The following CREB3L2 variants were observed in gnomAD, a reference collection of about 807,000 sequenced individuals.
The protein encoded by CREB3L2 is cyclic AMP-responsive element-binding protein 3-like protein 2.
Under a neutral mutation model 57.2 loss-of-function variants are expected in CREB3L2, and 23 were observed. The observed-to-expected ratio is 0.40, with a 90% CI of 0.29 to 0.57. The LOEUF (loss-of-function observed/expected upper bound fraction) is 0.57. Ranked by LOEUF, CREB3L2 falls within the 20% of genes least tolerant of loss-of-function variation. CREB3L2 has a pLI of 0.42. For synonymous variants in CREB3L2, 268 were observed against 265.1 expected (o/e 1.01, Z -0.11); for missense variants, 628 against 634.7 (o/e 0.99, Z 0.11).
At chr7:137,960,742 T>C (rs1363673651) in intron 1 of CREB3L2, among the ~76,000 whole-genome samples, 1 of 152,134 alleles carries the variant, frequency 6.6e-6, no homozygotes, top group Admixed American at 6.5e-5. Flanking sequence ...GTGTTTTATT[T>C]CATTTAAATT....
intron 1 of CREB3L2, among the ~76,000 whole-genome samples, chr7:137,964,546 G>C (rs1275263582): frequency 3.3e-5 from 5 of 152,168 alleles, no homozygotes. Context: ...AGAAAAACCA[G>C]ATCATTCAGT....
intron 6 of CREB3L2, among the ~76,000 whole-genome samples, chr7:137,905,302 G>A (rs1799860631): frequency 6.8e-6 from 1 of 146,794 alleles, no homozygotes; most frequent in Admixed American, 6.9e-5. Context: ...TATATATGCT[G>A]TATTTTATAT....
chr7:137,975,708 G>C (rs1801595159), intron 1 of CREB3L2, among the ~76,000 whole-genome samples: 1 of 152,096 alleles, frequency 6.6e-6, no homozygotes, highest in South Asian at 2.1e-4. Flanking sequence ...GATTCAGTTA[G>C]AGCCCGAAAC....
intron 1 of CREB3L2, among the ~76,000 whole-genome samples, chr7:137,930,462 T>A (rs1458711011): frequency 6.6e-6 from 1 of 152,232 alleles, no homozygotes; most frequent in Non-Finnish European, 1.5e-5. Flanking sequence ...ATGAAGGCGT[T>A]ATGAAAATGA....
intron 11 of CREB3L2, among the ~76,000 whole-genome samples, chr7:137,882,203 C>T (rs1208425782): frequency 1.3e-5 from 2 of 152,166 alleles, no homozygotes; most frequent in African/African-American, 4.8e-5. Context: ...CATAGGGGAG[C>T]TCACGCTGGT....
At chr7:137,941,106 C>T (rs578156717) in intron 1 of CREB3L2, among the ~76,000 whole-genome samples, 2 of 152,306 alleles carry the variant, frequency 1.3e-5, no homozygotes, top group African/African-American at 4.8e-5. Context: ...CTTTGAAACC[C>T]TTGTGTTATG....
At chr7:137,912,848 A>G in intron 4 of CREB3L2, 143 bp downstream of exon 4, 1 of 1,529,558 alleles carries the variant, frequency 6.5e-7, no homozygotes. Flanking sequence ...CAAAATTTTT[A>G]TTTTTTAAGA....
At chr7:138,000,737 A>G (rs978071631) in intron 1 of CREB3L2, among the ~76,000 whole-genome samples, 1 of 152,138 alleles carries the variant, frequency 6.6e-6, no homozygotes, top group Non-Finnish European at 1.5e-5. Context: ...TCAAACAAAG[A>G]GATCTTGCAT....
At position 137,879,125 on chromosome 7, in the gene CREB3L2, A is replaced by G; in HGVS notation, c.*1351T>C. The G allele has an allele frequency of 7.9e-6, 4 of 504,024 alleles. No homozygotes were observed. The highest frequency in any genetic ancestry group is 6.8e-5 in the South Asian group (4 of 58,670). 31.2% of individuals were successfully genotyped at this position (504,024 alleles called of 1,614,324 possible). A position where few individuals can be genotyped will look rare whatever the true frequency, so the allele number is the denominator to read the frequency against. On this transcript the variant is annotated 3_prime_UTR_variant, in exon 12 of 12. Transcript: ENST00000330387. ...CAATTTCCACTTCTTATTTATATGA[A>G]AGAGGAAAGATTTTTTTAAACTACA...
chr7:137,950,056 G>C (rs971106609), intron 1 of CREB3L2, among the ~76,000 whole-genome samples: 2 of 152,196 alleles, frequency 1.3e-5, no homozygotes, highest in Non-Finnish European at 2.9e-5. Flanking sequence ...ATGAGAAAAT[G>C]CAAGCTCAGA....
chr7:137,949,888 C>G (rs1412955965), intron 1 of CREB3L2, among the ~76,000 whole-genome samples: 2 of 152,198 alleles, frequency 1.3e-5, no homozygotes, highest in Non-Finnish European at 2.9e-5. Context: ...AGGTCACTGT[C>G]AAGATGACTC....
chr7:137,952,154 A>G (rs932886578), intron 1 of CREB3L2, among the ~76,000 whole-genome samples: 2 of 152,234 alleles, frequency 1.3e-5, no homozygotes, highest in Non-Finnish European at 2.9e-5. Flanking sequence ...AGAAAAATCC[A>G]CAAGTCCTTA....
At position 137,941,595 on chromosome 7, in the gene CREB3L2, G is replaced by A. The variant is rs184040059; in HGVS notation, c.103-13229C>T. Among the ~76,000 whole-genome samples, 70 of 152,238 alleles carry A rather than the reference G, an allele frequency of 4.6e-4. No individual in the cohort carries two copies. The East Asian group carries it at 0.012, about 26-fold the overall frequency. ...GGAGCAGTGGGGAGTAAAGGGCCCC[G>A]GTTGGCTTTCTGTTATCCCACATTG... On this transcript the variant is annotated intron_variant, in intron 1 of 11. Transcript: ENST00000330387.
At chr7:137,979,518 G>A (rs1232567934) in intron 1 of CREB3L2, among the ~76,000 whole-genome samples, 4 of 152,148 alleles carry the variant, frequency 2.6e-5, no homozygotes, top group Admixed American at 2.6e-4. Flanking sequence ...GAGGTCAGGA[G>A]ATCGAGACCA....
At chr7:137,966,207 G>A (rs1437506780) in intron 1 of CREB3L2, among the ~76,000 whole-genome samples, 1 of 152,156 alleles carries the variant, frequency 6.6e-6, no homozygotes, top group Non-Finnish European at 1.5e-5. Flanking sequence ...CCAGAGAGTG[G>A]AAAAATAAGG....
Position 137,901,374 on chromosome 7 carries a change from C to T in CREB3L2, c.1023G>A (p.Glu341=). 6.2e-7 allele frequency: 1 copy of T among 1,604,452 alleles called. No individual in the cohort carries two copies. Among genetic ancestry groups the T allele is most frequent in the African/African-American group, 1.3e-5 (1 of 74,786 alleles). ...TENLELRKKV[E]VLENTNRTLL... ...CTTACCTATTAGTGTTCTCTAGAAC[C>T]TCTACCTTCTTCCGAAGCTCCAAGT... Residue 341 remains glutamate, a synonymous_variant, in exon 8 of 12, where the codon GAG becomes GAA. Coordinates refer to ENST00000330387, the MANE Select transcript of CREB3L2 (RefSeq NM_194071.4).
intron 8 of CREB3L2, among the ~76,000 whole-genome samples, chr7:137,889,034 C>T (rs772630492): frequency 6.6e-6 from 1 of 152,076 alleles, no homozygotes; most frequent in Non-Finnish European, 1.5e-5. Flanking sequence ...GCAGCCAGCC[C>T]GTACTTCCTC....
In CREB3L2 at chr7:137,922,415, T is replaced by TATATAC. The variant is rs1491237233; in HGVS notation, c.319+5734_319+5735insGTATAT. Among the ~76,000 whole-genome samples the TATATAC allele has an allele frequency of 9.5e-3, 219 of 23,112 alleles. 6 individuals carry two copies. Among genetic ancestry groups the TATATAC allele is most frequent in the East Asian group, 0.034 (6 of 174 alleles). The allele number at this position is 23,112 out of a possible 152,430, so 15.2% of individuals were successfully genotyped here. A position where few individuals can be genotyped will look rare whatever the true frequency, so the allele number is the denominator to read the frequency against. On this transcript the variant is annotated intron_variant, in intron 2 of 11. Transcript: ENST00000330387. Reference sequence around the variant, plus strand: ...ATATATATATATATATATATATATATGTATATATATATATATATATACGTA... The same window carrying TATATAC: ...ATATATATATATATATATATATATATATATACGTATATATATATATATATATACGTA...
chr7:137,930,070 T>C (rs929154769), intron 1 of CREB3L2, among the ~76,000 whole-genome samples: 1 of 151,700 alleles, frequency 6.6e-6, no homozygotes, highest in African/African-American at 2.4e-5. Flanking sequence ...ATTTTTGTTT[T>C]GTATTTGTAG....
Sources: allele counts gnomAD v4.1 joint callset (sites outside exome capture counted in the v4.1 genomes callset), GRCh38; gene constraint gnomAD v4.1.1; transcripts MANE v1.5; gene names NCBI Gene and HGNC (gene_info 2026-07-23, HGNC 2026-07-21).